Variants in KCND3 observed in about 807,000 individuals in gnomAD.
KCND3 encodes the protein A-type voltage-gated potassium channel KCND3.
A neutral mutation model predicts 51.1 loss-of-function variants in KCND3; 9 were observed. The ratio of observed to expected loss-of-function variants is 0.18; its 90% CI spans 0.11 to 0.31. The LOEUF (loss-of-function observed/expected upper bound fraction) is 0.31, where lower values mean the gene tolerates loss of function less well. Ranked by LOEUF, KCND3 falls within the 10% of genes least tolerant of loss-of-function variation. The pLI, the probability that KCND3 is intolerant of heterozygous loss-of-function variation, is 1.00. For synonymous variants in KCND3, 349 were observed against 368.0 expected, an observed-to-expected ratio of 0.95 and a Z score of 0.59; for missense variants, 526 against 903.8, an observed-to-expected ratio of 0.58 and a Z score of 5.36.
At chr1:111,966,396 T>A (rs1385742455) in intron 2 of KCND3, among the ~76,000 whole-genome samples, 1 of 152,034 alleles carries the variant, frequency 6.6e-6, no homozygotes, top group African/African-American at 2.4e-5. Context: ...GGAGTGGGAA[T>A]GGAGGAAACC....
chr1:111,821,342 C>T (rs1164894920), intron 2 of KCND3, among the ~76,000 whole-genome samples: 3 of 152,210 alleles, frequency 2.0e-5, no homozygotes, highest in African/African-American at 4.8e-5. Flanking sequence ...TGGGTCTCAA[C>T]AGCTAGACAG....
chr1:111,776,163 C>T lies in KCND3; in HGVS notation c.1882G>A (p.Glu628Lys), dbSNP rs772579682. The change falls in exon 8 of 8, where the codon GAA (glutamate) becomes AAA (lysine). Residue 628 changes from glutamate (E) to lysine (K), a missense_variant. Around this residue, in one of 5 missense-constraint regions of KCND3, gnomAD observed 266 missense variants for 305.5 expected, o/e 0.87. Transcript: ENST00000302127. ...GGGCTGGCAGGGGGTGGCCGACTTTCCCCCTCTGGGGTTAGCGCTGGGGGA... is the reference window on the plus strand; with the variant it reads ...GGGCTGGCAGGGGGTGGCCGACTTTTCCCCTCTGGGGTTAGCGCTGGGGGA... ...PTPPALTPEGESRPPPASPGP... is the reference protein window; with the variant it reads ...PTPPALTPEGKSRPPPASPGP... The T allele has an allele frequency of 3.7e-6, 6 of 1,614,038 alleles. No homozygotes were observed. Among genetic ancestry groups the T allele is most frequent in the Middle Eastern group, 3.3e-4 (2 of 6,084 alleles).
chr1:111,894,183 C>T (rs181675087), intron 2 of KCND3, among the ~76,000 whole-genome samples: 1 of 152,358 alleles, frequency 6.6e-6, no homozygotes, highest in East Asian at 1.9e-4. Context: ...CCACGTGCCT[C>T]TGCCTTACCC....
intron 2 of KCND3, among the ~76,000 whole-genome samples, chr1:111,845,524 C>T (rs1667505395): frequency 6.6e-6 from 1 of 151,726 alleles, no homozygotes; most frequent in Non-Finnish European, 1.5e-5. Context: ...CTCTCCCCAT[C>T]ACCCTCCCGC....
chr1:111,851,207 T>C (rs1329281102), intron 2 of KCND3, among the ~76,000 whole-genome samples: 2 of 152,234 alleles, frequency 1.3e-5, no homozygotes, highest in East Asian at 3.8e-4. Flanking sequence ...TTTAAAAGGC[T>C]CTTCTTGTGA....
At chr1:111,958,254 G>A (rs1673437543) in intron 2 of KCND3, among the ~76,000 whole-genome samples, 1 of 152,162 alleles carries the variant, frequency 6.6e-6, no homozygotes, top group Non-Finnish European at 1.5e-5. Context: ...CATCCAACCT[G>A]ACCAGGCTGT....
At chr1:111,939,099 T>C (rs1205141575) in intron 2 of KCND3, among the ~76,000 whole-genome samples, 2 of 152,236 alleles carry the variant, frequency 1.3e-5, no homozygotes, top group Admixed American at 6.5e-5. Context: ...AATCTGCACT[T>C]AGCAAGATCC....
chr1:111,945,248 C>G (rs952841078), intron 2 of KCND3, among the ~76,000 whole-genome samples: 2 of 152,208 alleles, frequency 1.3e-5, no homozygotes, highest in African/African-American at 4.8e-5. Flanking sequence ...TCGAGGTACA[C>G]CAGCACAACC....
chr1:111,785,987 C>T (rs1256204671), intron 3 of KCND3, among the ~76,000 whole-genome samples: 1 of 152,230 alleles, frequency 6.6e-6, no homozygotes, highest in Non-Finnish European at 1.5e-5. Context: ...CAACAGTTCT[C>T]CTCCTGTCCG....
rs1365420961 is a variant in KCND3, at chr1:111,905,487, G to A, written c.1106+76134C>T. On this transcript the variant is annotated intron_variant, in intron 2 of 7. Transcript: ENST00000302127. The stretch of plus-strand genomic sequence containing the variant: ...ACTCAAGTTTTCCAGCTCTGGTACC[G>A]GGTAAGGACATCTGGTGTTTACCAA... Among the ~76,000 whole-genome samples, 8 of 152,224 alleles carry A rather than the reference G, an allele frequency of 5.3e-5. No individual in the cohort carries two copies. The South Asian group carries it at 6.2e-4, about 12-fold the overall frequency.
chr1:111,827,229 G>A (rs539143787), intron 2 of KCND3, among the ~76,000 whole-genome samples: 1 of 152,242 alleles, frequency 6.6e-6, no homozygotes, highest in African/African-American at 2.4e-5. Context: ...TATGAGAACA[G>A]ATGTGTACGC....
At chr1:111,815,975 G>C (rs1184861734) in intron 2 of KCND3, among the ~76,000 whole-genome samples, 1 of 152,170 alleles carries the variant, frequency 6.6e-6, no homozygotes, top group Non-Finnish European at 1.5e-5. Flanking sequence ...GAGGAAATAA[G>C]GGGAAAAGGG....
At chr1:111,899,463 G>GGCC (rs1670279896) in intron 2 of KCND3, among the ~76,000 whole-genome samples, 1 of 152,208 alleles carries the variant, frequency 6.6e-6, no homozygotes, top group Non-Finnish European at 1.5e-5. Context: ...AGGTGGCCCT[G>GGCC]GCCTTCTGCC....
chr1:111,822,546 C>T (rs1404660215), intron 2 of KCND3, among the ~76,000 whole-genome samples: 2 of 152,218 alleles, frequency 1.3e-5, no homozygotes, highest in Non-Finnish European at 2.9e-5. Flanking sequence ...GAATTTCCTT[C>T]CTTTTTAGGC....
intron 2 of KCND3, among the ~76,000 whole-genome samples, chr1:111,857,512 T>TG (rs920327616): frequency 2.0e-5 from 3 of 152,164 alleles, no homozygotes; most frequent in Non-Finnish European, 2.9e-5. Context: ...CCGTCGCTTA[T>TG]GGGGGGTGTT....
At chr1:111,917,903 A>C (rs1204671615) in intron 2 of KCND3, among the ~76,000 whole-genome samples, 1 of 152,194 alleles carries the variant, frequency 6.6e-6, no homozygotes, top group Non-Finnish European at 1.5e-5. Context: ...CATTTATGAG[A>C]AGGATGGTCC....
At chr1:111,950,821 G>A (rs1311118620) in intron 2 of KCND3, among the ~76,000 whole-genome samples, 1 of 152,164 alleles carries the variant, frequency 6.6e-6, no homozygotes, top group African/African-American at 2.4e-5. Context: ...CCAAGTTTCT[G>A]GCCTGGAGGC....
intron 2 of KCND3, among the ~76,000 whole-genome samples, chr1:111,961,201 T>G (rs1260683814): frequency 2.6e-5 from 4 of 152,136 alleles, no homozygotes; most frequent in African/African-American, 7.2e-5. Flanking sequence ...TCATCACATA[T>G]GCAGTGTGTG....
intron 2 of KCND3, among the ~76,000 whole-genome samples, chr1:111,852,441 C>T (rs1280790888): frequency 6.6e-6 from 1 of 152,216 alleles, no homozygotes; most frequent in African/African-American, 2.4e-5. Context: ...GCGTCATCTA[C>T]ATAAGCCTGG....
Sources: gnomAD v4.1 joint callset for allele counts (sites outside exome capture counted in the v4.1 genomes callset) on GRCh38, gnomAD v4.1.1 for gene constraint, gnomAD v4.1.1 regional missense constraint, MANE v1.5 for transcripts, NCBI Gene and HGNC (gene_info 2026-07-23, HGNC 2026-07-21) for gene names.